Variants in PCDH7 observed in about 807,000 individuals in gnomAD.
PCDH7 encodes the protein protocadherin-7.
In PCDH7, 17 loss-of-function variants were observed where a neutral mutation model predicts 58.9. The observed-to-expected ratio is 0.29, with a 90% CI of 0.20 to 0.43. PCDH7 has a LOEUF of 0.43. Ranked by LOEUF, PCDH7 falls within the 20% of genes least tolerant of loss-of-function variation. PCDH7 has a pLI of 1.00. For missense variants in PCDH7, 1,274 were observed against 1,441.0 expected, an observed-to-expected ratio of 0.88 and a Z score of 1.88; for synonymous variants, 664 against 616.4, an observed-to-expected ratio of 1.08 and a Z score of -1.14.
At chr4:30,805,238 A>G (rs1450609548) in intron 1 of PCDH7, among the ~76,000 whole-genome samples, 1 of 152,148 alleles carries the variant, frequency 6.6e-6, no homozygotes, top group Non-Finnish European at 1.5e-5. Context: ...GGCTCAGTAC[A>G]AGTCCTCAGT....
chr4:30,936,473 T>C (rs529780557), intron 2 of PCDH7, among the ~76,000 whole-genome samples: 1 of 152,188 alleles, frequency 6.6e-6, no homozygotes, highest in African/African-American at 2.4e-5. Flanking sequence ...AACATTTAGT[T>C]TTTGTTTGAT....
Position 30,722,187 on chromosome 4 carries a change from G to A in PCDH7, c.765G>A (p.Glu255=), listed in dbSNP as rs770289378. 2.6e-6 allele frequency: 4 copies of A among 1,564,832 alleles called. No individual in the cohort carries two copies. The highest frequency in any genetic ancestry group is 1.4e-5 in the African/African-American group (1 of 73,002). ...AGGTGGCGGACACCCCGGACGGCGAGAAGCAGCCGCAGCTGATCGTGAAGG... is the reference window on the plus strand; with the variant it reads ...AGGTGGCGGACACCCCGGACGGCGAAAAGCAGCCGCAGCTGATCGTGAAGG... Residue 255 remains glutamate, a synonymous_variant, in exon 1 of 2, where the codon GAG becomes GAA. Transcript: ENST00000361762. The surrounding 1 kb of genome is among the most constrained non-coding windows in gnomAD (Gnocchi z 7.6).
intron 1 of PCDH7, among the ~76,000 whole-genome samples, chr4:30,779,693 A>G (rs781714228): frequency 2.0e-5 from 3 of 152,340 alleles, no homozygotes; most frequent in Admixed American, 6.5e-5. Flanking sequence ...TCAAGTCTCA[A>G]TTAATTCCTT....
At position 30,722,219 on chromosome 4, in the gene PCDH7, T is replaced by C; in HGVS notation, c.797T>C (p.Leu266Pro). Residue 266 changes from leucine (L) to proline (P), a missense_variant, in exon 1 of 2, where the codon CTG becomes CCG. Leu to Pro is a moderately conservative substitution (Grantham distance 98, BLOSUM62 -3). This residue lies in a region of PCDH7 where 331 missense variants were observed against 303.2 expected (regional missense o/e 1.09). Coordinates refer to ENST00000361762, the Ensembl canonical transcript of PCDH7. This position sits in a 1 kb window ranked among gnomAD's most constrained non-coding sequence, Gnocchi z 7.6. ...CCGCAGCTGATCGTGAAGGGGGCGC[T>C]GGACCGCGAGCAGCGCGACTCCTAC... 3 of 1,591,056 alleles carry C rather than the reference T, an allele frequency of 1.9e-6. No homozygotes were observed. The highest frequency in any genetic ancestry group is 2.6e-6 in the Non-Finnish European group (3 of 1,169,752).
chr4:30,854,099 CA>C (rs1733135046), intron 1 of PCDH7, among the ~76,000 whole-genome samples: 1 of 151,604 alleles, frequency 6.6e-6, no homozygotes. Context: ...CCAACTTTGA[CA>C]TTTCAAGATA....
intron 3 of PCDH7, among the ~76,000 whole-genome samples, chr4:31,096,902 ATTCC>A (rs1440556410): frequency 1.8e-5 from 2 of 108,188 alleles, no homozygotes; most frequent in Non-Finnish European, 3.4e-5. Flanking sequence ...ATACTAATAA[ATTCC>A]TTGTTTGTGT....
At chr4:30,843,587 C>A (rs1449359012) in intron 1 of PCDH7, among the ~76,000 whole-genome samples, 1 of 152,158 alleles carries the variant, frequency 6.6e-6, no homozygotes, top group Non-Finnish European at 1.5e-5. Context: ...TGATTTCTGT[C>A]TTTACTTTGT....
chr4:30,877,257 G>A (rs1042397733), intron 1 of PCDH7, among the ~76,000 whole-genome samples: 1 of 152,098 alleles, frequency 6.6e-6, no homozygotes, highest in Admixed American at 6.6e-5. Context: ...TTGGACCAAT[G>A]TGTGGAAGGT....
At chr4:31,076,987 T>C (rs1327282730) in intron 3 of PCDH7, among the ~76,000 whole-genome samples, 1 of 152,002 alleles carries the variant, frequency 6.6e-6, no homozygotes, top group African/African-American at 2.4e-5. Flanking sequence ...ACTGCTTCGG[T>C]ACATCCTATG....
intron 1 of PCDH7, among the ~76,000 whole-genome samples, chr4:30,900,245 A>C (rs1321238646): frequency 3.3e-5 from 5 of 152,170 alleles, no homozygotes; most frequent in African/African-American, 1.2e-4. Context: ...CGAATGGTAA[A>C]ACTAGAACAC....
intron 1 of PCDH7, among the ~76,000 whole-genome samples, chr4:30,848,554 A>G (rs1041461543): frequency 5.9e-5 from 9 of 152,098 alleles, no homozygotes; most frequent in East Asian, 5.8e-4. Flanking sequence ...TTTACTCTTG[A>G]CTAAATTAGT....
intron 1 of PCDH7, among the ~76,000 whole-genome samples, chr4:30,795,211 G>T (rs1724632816): frequency 6.6e-6 from 1 of 152,082 alleles, no homozygotes; most frequent in Non-Finnish European, 1.5e-5. Context: ...GAACTCCTGG[G>T]CTCAAGCAAT....
At chr4:30,803,845 T>G (rs1725840753) in intron 1 of PCDH7, among the ~76,000 whole-genome samples, 1 of 152,168 alleles carries the variant, frequency 6.6e-6, no homozygotes, top group African/African-American at 2.4e-5. Context: ...AATAAAGCAG[T>G]GGAACAATGT....
chr4:30,885,868 G>A (rs1737667375), intron 1 of PCDH7, among the ~76,000 whole-genome samples: 1 of 152,128 alleles, frequency 6.6e-6, no homozygotes, highest in African/African-American at 2.4e-5. Context: ...ACAAGCAATG[G>A]GCAAAGGATT....
At chr4:30,738,325 C>T (rs904147482) in intron 1 of PCDH7, among the ~76,000 whole-genome samples, 1 of 151,836 alleles carries the variant, frequency 6.6e-6, no homozygotes, top group Non-Finnish European at 1.5e-5. Flanking sequence ...AGTACGCTTC[C>T]CATTTTAAAG....
intron 3 of PCDH7, among the ~76,000 whole-genome samples, chr4:31,078,168 T>C (rs1457726270): frequency 6.6e-6 from 1 of 152,152 alleles, no homozygotes; most frequent in East Asian, 1.9e-4. Context: ...ATCCATATCA[T>C]GGTGGTTGCA....
chr4:30,809,350 AG>A (rs1237222131), intron 1 of PCDH7, among the ~76,000 whole-genome samples: 1 of 152,122 alleles, frequency 6.6e-6, no homozygotes, highest in Non-Finnish European at 1.5e-5. Context: ...CCCTGAAAAG[AG>A]GGAAAGGGAA....
chr4:31,074,122 A>G (rs998863914), intron 3 of PCDH7, among the ~76,000 whole-genome samples: 3 of 151,854 alleles, frequency 2.0e-5, no homozygotes, highest in African/African-American at 4.8e-5. Context: ...GTTCTAAATT[A>G]GCTGTACTCT....
At chr4:30,751,096 A>C (rs1488893777) in intron 1 of PCDH7, among the ~76,000 whole-genome samples, 1 of 152,204 alleles carries the variant, frequency 6.6e-6, no homozygotes, top group African/African-American at 2.4e-5. Flanking sequence ...TAAGATATTG[A>C]AACTGTTACC....
Sources: gnomAD v4.1 joint callset for allele counts (sites outside exome capture counted in the v4.1 genomes callset) on GRCh38, gnomAD v4.1.1 for gene constraint, gnomAD v4.1.1 regional missense constraint, Gnocchi (gnomAD v3.1) non-coding constraint, MANE v1.5 for transcripts, NCBI Gene and HGNC (gene_info 2026-07-23, HGNC 2026-07-21) for gene names.